LYPLAL1: variants seen among roughly 807,000 people sequenced by gnomAD.
The protein encoded by LYPLAL1 is lysophospholipase like 1, also known as lysophospholipase-like protein 1.
LYPLAL1 carries 23 observed loss-of-function variants against 19.7 expected under a neutral mutation model. The observed-to-expected ratio is 1.17, with a 90% CI of 0.84 to 1.65. The LOEUF is 1.65. Ranked by LOEUF, LYPLAL1 falls within the 40% of genes most tolerant of loss-of-function variation. The pLI is 0.00. For synonymous variants in LYPLAL1, 119 were observed against 96.3 expected (o/e 1.24, Z -1.38); for missense variants, 355 against 279.4 (o/e 1.27, Z -1.93).
chr1:219,260,525 TC>T, the LYPLAL1 span, among the ~76,000 whole-genome samples: 1 of 151,272 alleles, frequency 6.6e-6, no homozygotes, highest in African/African-American at 2.4e-5. Context: ...ATAAAATATA[TC>T]TTCTCAGAAC....
chr1:219,350,633 G>C, the LYPLAL1 span, among the ~76,000 whole-genome samples: 2 of 152,240 alleles, frequency 1.3e-5, no homozygotes. Flanking sequence ...GTAGAGGCAA[G>C]AGGGCATTTG....
chr1:219,378,416 A>G, the LYPLAL1 span, among the ~76,000 whole-genome samples: 1 of 152,194 alleles, frequency 6.6e-6, no homozygotes, highest in South Asian at 2.1e-4. Context: ...TGAGAACACC[A>G]TAAGGATAAC....
At chr1:219,425,173 A>C in the LYPLAL1 span, among the ~76,000 whole-genome samples, 1 of 152,130 alleles carries the variant, frequency 6.6e-6, no homozygotes, top group South Asian at 2.1e-4. Flanking sequence ...TGCAAGGGGC[A>C]AGGGGCTCCT....
intron 2 of LYPLAL1, among the ~76,000 whole-genome samples, chr1:219,181,395 T>C (rs1471906662): frequency 6.6e-6 from 1 of 152,184 alleles, no homozygotes; most frequent in Non-Finnish European, 1.5e-5. Context: ...ATACAGTAGA[T>C]TGGGAGCCAC....
downstream of LYPLAL1, among the ~76,000 whole-genome samples, chr1:219,214,379 C>T (rs570867252): frequency 6.6e-6 from 1 of 152,132 alleles, no homozygotes; most frequent in African/African-American, 2.4e-5. Context: ...ACAGTATTAG[C>T]TTCATAAAAT....
chr1:219,395,566 T>C, the LYPLAL1 span, among the ~76,000 whole-genome samples: 1 of 152,152 alleles, frequency 6.6e-6, no homozygotes, highest in Non-Finnish European at 1.5e-5. Context: ...ATTCTGTAGG[T>C]TGTCTGTTTA....
the LYPLAL1 span, among the ~76,000 whole-genome samples, chr1:219,398,769 AT>A: frequency 6.6e-6 from 1 of 152,202 alleles, no homozygotes; most frequent in African/African-American, 2.4e-5. Flanking sequence ...TGATTATGGT[AT>A]AAGGTGAATT....
At chr1:219,330,957 A>C in the LYPLAL1 span, among the ~76,000 whole-genome samples, 1 of 152,176 alleles carries the variant, frequency 6.6e-6, no homozygotes, top group Admixed American at 6.6e-5. Flanking sequence ...TCAAAGTCAC[A>C]TATTAGCAAC....
the LYPLAL1 span, among the ~76,000 whole-genome samples, chr1:219,235,456 G>A: frequency 1.3e-5 from 2 of 152,170 alleles, no homozygotes; most frequent in Non-Finnish European, 2.9e-5. Context: ...ATGGATCAAT[G>A]TGGAAGAATA....
chr1:219,261,088 T>A, the LYPLAL1 span, among the ~76,000 whole-genome samples: 34 of 152,102 alleles, frequency 2.2e-4, no homozygotes, highest in African/African-American at 7.2e-4. Context: ...AGTGACTGTA[T>A]TCAGAGGAAA....
chr1:219,367,571 G>A, the LYPLAL1 span, among the ~76,000 whole-genome samples: 4 of 151,298 alleles, frequency 2.6e-5, no homozygotes, highest in East Asian at 7.8e-4. Flanking sequence ...CACACTCTTT[G>A]AGGCCATCAT....
At chr1:219,395,879 G>A in the LYPLAL1 span, among the ~76,000 whole-genome samples, 277 of 152,164 alleles carry the variant, frequency 1.8e-3, 1 homozygote, top group African/African-American at 3.7e-3. Flanking sequence ...CGAGGCAGGC[G>A]GATCACGAGC....
chr1:219,331,533 A>G, the LYPLAL1 span, among the ~76,000 whole-genome samples: 1 of 152,178 alleles, frequency 6.6e-6, no homozygotes, highest in Non-Finnish European at 1.5e-5. Flanking sequence ...ATAAGAGAGG[A>G]AATGAAAACA....
At chr1:219,213,192 G>A (rs923817168), downstream of LYPLAL1, among the ~76,000 whole-genome samples, 21 of 151,906 alleles carry the variant, frequency 1.4e-4, no homozygotes, top group African/African-American at 4.8e-4. Context: ...TATCATCCAT[G>A]GAAATATTTT....
chr1:219,215,116 TTG>T (rs1659240179), downstream of LYPLAL1, among the ~76,000 whole-genome samples: 1 of 152,172 alleles, frequency 6.6e-6, no homozygotes, highest in African/African-American at 2.4e-5. Context: ...GGTATTTTCA[TTG>T]TGACTGAAGT....
intron 2 of LYPLAL1, among the ~76,000 whole-genome samples, chr1:219,181,633 G>C (rs947541159): frequency 2.6e-5 from 4 of 152,206 alleles, no homozygotes; most frequent in Admixed American, 1.3e-4. Flanking sequence ...GGGTGTGCAA[G>C]AATGAAGCCT....
chr1:219,400,704 T>G, the LYPLAL1 span, among the ~76,000 whole-genome samples: 1 of 152,200 alleles, frequency 6.6e-6, no homozygotes, highest in Non-Finnish European at 1.5e-5. Flanking sequence ...TTCACCATTT[T>G]GGCCAGGCTG....
At chr1:219,256,024 A>G in the LYPLAL1 span, among the ~76,000 whole-genome samples, 1 of 151,846 alleles carries the variant, frequency 6.6e-6, no homozygotes, top group African/African-American at 2.4e-5. Context: ...ACATTTGACT[A>G]TAATTTTCCT....
chr1:219,233,047 C>T, the LYPLAL1 span, among the ~76,000 whole-genome samples: 5 of 152,188 alleles, frequency 3.3e-5, no homozygotes, highest in Non-Finnish European at 7.4e-5. Flanking sequence ...TATTCAAAAA[C>T]GTTAAAAGCA....
Sources: gnomAD v4.1 joint callset for allele counts (sites outside exome capture counted in the v4.1 genomes callset) on GRCh38, gnomAD v4.1.1 for gene constraint, MANE v1.5 for transcripts, NCBI Gene and HGNC (gene_info 2026-07-23, HGNC 2026-07-21) for gene names.